TBX15: variants seen among roughly 807,000 people sequenced by gnomAD.
The protein encoded by TBX15 is T-box transcription factor TBX15.
TBX15 carries 18 observed loss-of-function variants against 53.9 expected under a neutral mutation model. The observed-to-expected ratio is 0.33, with a 90% CI of 0.23 to 0.49. TBX15 has a LOEUF of 0.49. TBX15 is among the 20% of genes least tolerant of loss of function. The probability of loss-of-function intolerance (pLI) is 0.98; values close to 1 mark genes in which losing one functional copy is unlikely to be tolerated. For missense variants in TBX15, 692 were observed against 749.5 expected, an observed-to-expected ratio of 0.92 and a Z score of 0.90; for synonymous variants, 295 against 278.0, an observed-to-expected ratio of 1.06 and a Z score of -0.61.
At chr1:118,937,925 C>T (rs1277860499) in intron 1 of TBX15, among the ~76,000 whole-genome samples, 1 of 152,124 alleles carries the variant, frequency 6.6e-6, no homozygotes, top group Non-Finnish European at 1.5e-5. Flanking sequence ...ATCTTAAAAC[C>T]CAGGCAGCCC....
chr1:118,932,838 T>C (rs1655843599), intron 1 of TBX15, among the ~76,000 whole-genome samples: 2 of 152,220 alleles, frequency 1.3e-5, no homozygotes, highest in Admixed American at 1.3e-4. Context: ...CAAATTCAGA[T>C]TATCTAGTAT....
At chr1:118,939,425 A>AC (rs1656082859) in intron 1 of TBX15, among the ~76,000 whole-genome samples, 1 of 107,670 alleles carries the variant, frequency 9.3e-6, no homozygotes, top group Non-Finnish European at 2.0e-5. Flanking sequence ...AAAAAAAAAA[A>AC]AAAAAAAAAA....
Position 118,885,553 on chromosome 1 carries a change from C to G in TBX15, c.1025-37G>C, listed in dbSNP as rs1779423. On this transcript the variant is annotated intron_variant, in intron 7 of 7. Coordinates refer to ENST00000369429, the MANE Select transcript of TBX15 (RefSeq NM_001330677.2). ...AACGTGAATACTATTGAGACAGAGTCTTTTAAGATGAGTCTGCCTAAGTCA... is the reference window on the plus strand; with the variant it reads ...AACGTGAATACTATTGAGACAGAGTGTTTTAAGATGAGTCTGCCTAAGTCA... 15,899 of 1,551,192 alleles carry G rather than the reference C, an allele frequency of 0.01. 1,374 individuals carry two copies. In the African/African-American group the frequency reaches 0.19, roughly 18 times the overall value.
At chr1:118,988,793 A>T (rs1657930682), upstream of TBX15, among the ~76,000 whole-genome samples, 1 of 152,226 alleles carries the variant, frequency 6.6e-6, no homozygotes, top group South Asian at 2.1e-4. Flanking sequence ...TTCCTCCTGG[A>T]TTTCGCCACA....
intron 1 of TBX15, among the ~76,000 whole-genome samples, chr1:118,978,472 C>T (rs1657512399): frequency 6.6e-6 from 1 of 152,190 alleles, no homozygotes; most frequent in African/African-American, 2.4e-5. Context: ...ACAAATGAGG[C>T]ACTGAGGCCT....
At chr1:118,934,709 C>A (rs1160707373) in intron 1 of TBX15, among the ~76,000 whole-genome samples, 1 of 152,204 alleles carries the variant, frequency 6.6e-6, no homozygotes, top group Admixed American at 6.5e-5. Flanking sequence ...TACATACTGT[C>A]TCAGATGTCT....
At chr1:118,980,777 G>C (rs1417671455) in intron 1 of TBX15, among the ~76,000 whole-genome samples, 8 of 151,802 alleles carry the variant, frequency 5.3e-5, no homozygotes, top group Admixed American at 5.2e-4. Flanking sequence ...CACTCCTCCT[G>C]TTCTTTTAAA....
intron 6 of TBX15, among the ~76,000 whole-genome samples, chr1:118,910,919 C>T (rs1334842449): frequency 2.6e-5 from 4 of 152,070 alleles, no homozygotes; most frequent in Non-Finnish European, 5.9e-5. Flanking sequence ...GAGTAGACTA[C>T]GAAGACAAAC....
At chr1:118,935,970 G>A (rs1655953470) in intron 1 of TBX15, among the ~76,000 whole-genome samples, 1 of 152,072 alleles carries the variant, frequency 6.6e-6, no homozygotes, top group Non-Finnish European at 1.5e-5. Flanking sequence ...CTGATCCAAT[G>A]GTCAGATCTC....
intron 6 of TBX15, among the ~76,000 whole-genome samples, chr1:118,912,368 T>A (rs913955055): frequency 1.1e-4 from 17 of 152,110 alleles, no homozygotes; most frequent in Admixed American, 8.5e-4. Context: ...AGGAAAAATG[T>A]GCATCTATTC....
intron 7 of TBX15, among the ~76,000 whole-genome samples, chr1:118,895,942 T>C (rs546353127): frequency 3.3e-5 from 5 of 152,194 alleles, no homozygotes; most frequent in Non-Finnish European, 7.4e-5. Flanking sequence ...ACTCTGAACT[T>C]AGCTCTGCCA....
At chr1:118,893,356 G>GGAAGGAAGGAAGGAAGGAAA (rs1409523115) in intron 7 of TBX15, among the ~76,000 whole-genome samples, 1 of 51,060 alleles carries the variant, frequency 2.0e-5, no homozygotes, top group African/African-American at 1.2e-4. Flanking sequence ...AAGGAAGGAA[G>GGAAGGAAGGAAGGAAGGAAA]GAAAGAAAGA....
In TBX15 at chr1:118,973,750, C is replaced by T. The variant is rs1657321288; in HGVS notation, c.205+13841G>A. ...TTCTCCATAACACCCCTCAGCACCGCCCCCAACACTCCCCTACACACATAC... is the reference window on the plus strand; with the variant it reads ...TTCTCCATAACACCCCTCAGCACCGTCCCCAACACTCCCCTACACACATAC... On this transcript the variant is annotated intron_variant, in intron 1 of 7. Transcript: ENST00000369429. Among the ~76,000 whole-genome samples, 5 of 152,146 alleles carry T rather than the reference C, an allele frequency of 3.3e-5. No individual in the cohort carries two copies. The South Asian group carries it at 8.3e-4, about 25-fold the overall frequency.
intron 7 of TBX15, among the ~76,000 whole-genome samples, chr1:118,893,307 AAGGAAG>A (rs1557872364): frequency 1.6e-4 from 21 of 135,446 alleles, no homozygotes; most frequent in African/African-American, 5.6e-4. Flanking sequence ...GGAAGGAAGG[AAGGAAG>A]GAAAGAAAGA....
intron 1 of TBX15, among the ~76,000 whole-genome samples, chr1:118,955,781 C>T (rs10923705): frequency 0.29 from 43,802 of 151,908 alleles, 6,662 homozygotes; most frequent in Non-Finnish European, 0.32. Context: ...TTAGTAAGAC[C>T]CAAGGATTAG....
intron 5 of TBX15, among the ~76,000 whole-genome samples, chr1:118,918,725 TCATTGTCACGG>T (rs1274987663): frequency 6.6e-6 from 1 of 152,186 alleles, no homozygotes; most frequent in Non-Finnish European, 1.5e-5. Context: ...TTAATGTTAA[TCATTGTCACGG>T]ACTTCTTGCC....
chr1:118,981,540 A>T (rs1458756107), intron 1 of TBX15, among the ~76,000 whole-genome samples: 2 of 152,248 alleles, frequency 1.3e-5, no homozygotes, highest in Non-Finnish European at 2.9e-5. Flanking sequence ...AATGAAAAGT[A>T]GTCATTTGCA....
intron 7 of TBX15, among the ~76,000 whole-genome samples, chr1:118,896,573 T>C (rs549857595): frequency 9.2e-5 from 14 of 152,166 alleles, no homozygotes; most frequent in Non-Finnish European, 1.8e-4. Context: ...TATGGACAAT[T>C]GGATAAGTCA....
intron 1 of TBX15, among the ~76,000 whole-genome samples, chr1:118,953,606 CTATAA>C (rs765374865): frequency 2.6e-5 from 4 of 152,190 alleles, no homozygotes; most frequent in Non-Finnish European, 5.9e-5. Flanking sequence ...GGCCATGTGC[CTATAA>C]TATGTTTGAT....
Sources: allele counts gnomAD v4.1 joint callset (sites outside exome capture counted in the v4.1 genomes callset), GRCh38; gene constraint gnomAD v4.1.1; transcripts MANE v1.5; gene names NCBI Gene and HGNC (gene_info 2026-07-23, HGNC 2026-07-21).